The following PLCL2 variants were observed in gnomAD, a reference collection of about 807,000 sequenced individuals.
PLCL2 encodes inactive phospholipase C-like protein 2.
Under a neutral mutation model 79.6 loss-of-function variants are expected in PLCL2, and 4 were observed. The observed-to-expected ratio is 0.05, with a 90% confidence interval of 0.02 to 0.11. The LOEUF (loss-of-function observed/expected upper bound fraction) is 0.11. PLCL2 is among the 10% of genes least tolerant of loss of function. The pLI is 1.00. For missense variants in PLCL2, 895 were observed against 1,291.0 expected (o/e 0.69, Z 4.70); for synonymous variants, 484 against 457.7 (o/e 1.06, Z -0.73).
chr3:17,011,254 G>T lies in PLCL2; in HGVS notation c.1908G>T (p.Ser636=), dbSNP rs143170691. ...TTCAGTTCAAAGAATTTCAGGTGTC[G>T]TTTCAGGTTCAGAAGTACTGGGAAG... ...KSVQFKEFQV[S]FQVQKYWEVC... is the part of the protein sequence containing the mutation. The change falls in exon 2 of 6, where the codon TCG becomes TCT. Residue 636 remains serine, a synonymous_variant. Coordinates refer to ENST00000615277, the MANE Select transcript of PLCL2 (RefSeq NM_001144382.2). The surrounding 1 kb of genome is among the most constrained non-coding windows in gnomAD (Gnocchi z 7.9). 3.0e-5 allele frequency: 48 copies of T among 1,614,070 alleles called. No homozygotes were observed. The Middle Eastern group carries it at 6.6e-4, about 22-fold the overall frequency.
intron 1 of PLCL2, among the ~76,000 whole-genome samples, chr3:16,902,881 T>TGCGCGC (rs1272936432): frequency 2.2e-5 from 3 of 133,900 alleles, no homozygotes; most frequent in African/African-American, 8.3e-5. Flanking sequence ...TGTGTGTGTG[T>TGCGCGC]GNGCGCATGT....
At chr3:17,025,529 A>G (rs996043467) in intron 3 of PLCL2, among the ~76,000 whole-genome samples, 6 of 152,226 alleles carry the variant, frequency 3.9e-5, no homozygotes, top group Admixed American at 3.3e-4. Flanking sequence ...TTTGGATGGA[A>G]TATACTTTAT....
At chr3:17,037,272 A>G (rs1435211163) in intron 3 of PLCL2, among the ~76,000 whole-genome samples, 1 of 152,168 alleles carries the variant, frequency 6.6e-6, no homozygotes, top group Non-Finnish European at 1.5e-5. Flanking sequence ...TTACTGGTCC[A>G]CTGAGGCCTA....
chr3:17,071,937 C>T (rs2065064180), intron 5 of PLCL2, among the ~76,000 whole-genome samples: 1 of 152,036 alleles, frequency 6.6e-6, no homozygotes, highest in Non-Finnish European at 1.5e-5. Context: ...AGTGATTCTC[C>T]TGCCTCAGCC....
At chr3:16,987,757 A>G (rs1172248002) in intron 1 of PLCL2, among the ~76,000 whole-genome samples, 1 of 152,172 alleles carries the variant, frequency 6.6e-6, no homozygotes, top group Non-Finnish European at 1.5e-5. Flanking sequence ...TGATTCACGT[A>G]TTCTCTTCTT....
At chr3:16,949,535 A>T (rs2063631690) in intron 1 of PLCL2, among the ~76,000 whole-genome samples, 1 of 152,144 alleles carries the variant, frequency 6.6e-6, no homozygotes, top group Admixed American at 6.5e-5. Context: ...CTTCTGTCTC[A>T]TAGGAATTGT....
rs74332311 is a variant in PLCL2, at chr3:17,014,786, C to A, written c.2893C>A (p.Pro965Thr). Residue 965 changes from proline (P) to threonine (T), a missense_variant, in exon 3 of 6, where the codon CCC (proline) becomes ACC (threonine). Pro to Thr is a conservative substitution (Grantham distance 38). Around this residue, in one of 6 missense-constraint regions of PLCL2, gnomAD observed 298 missense variants for 459.6 expected, o/e 0.65. Transcript: ENST00000615277. ...NLMQCMLAVS[P>T]RFLGPDNTPL... ...CATGCAGTGCATGTTGGCGGTGTCTCCCCGCTTTCTGGGGCCCGATAACAC... is the reference window on the plus strand; with the variant it reads ...CATGCAGTGCATGTTGGCGGTGTCTACCCGCTTTCTGGGGCCCGATAACAC... 3.7e-6 allele frequency: 6 copies of A among 1,613,998 alleles called. No homozygotes were observed. Among genetic ancestry groups the A allele is most frequent in the Non-Finnish European group, 5.1e-6 (6 of 1,179,996 alleles).
At chr3:17,004,398 C>T (rs2064240053) in intron 1 of PLCL2, among the ~76,000 whole-genome samples, 1 of 152,108 alleles carries the variant, frequency 6.6e-6, no homozygotes, top group African/African-American at 2.4e-5. Flanking sequence ...GAGGACATGA[C>T]AGAAGAGGAG....
chr3:17,028,012 G>A (rs1253423245), intron 3 of PLCL2, among the ~76,000 whole-genome samples: 2 of 152,174 alleles, frequency 1.3e-5, no homozygotes, highest in Non-Finnish European at 2.9e-5. Flanking sequence ...CATATATTTA[G>A]TGTTTATGTA....
intron 3 of PLCL2, among the ~76,000 whole-genome samples, chr3:17,032,766 T>C (rs1056624996): frequency 1.3e-5 from 2 of 152,202 alleles, no homozygotes; most frequent in African/African-American, 2.4e-5. Flanking sequence ...ATGAATGTTA[T>C]GCTGTATCCA....
At chr3:16,967,611 G>GT (rs200763987) in intron 1 of PLCL2, among the ~76,000 whole-genome samples, 20 of 151,276 alleles carry the variant, frequency 1.3e-4, no homozygotes, top group East Asian at 3.9e-4. Context: ...TTTTAATGGG[G>GT]TTTTTTTTGT....
chr3:16,964,380 A>G (rs1342930588), intron 1 of PLCL2, among the ~76,000 whole-genome samples: 3 of 152,136 alleles, frequency 2.0e-5, no homozygotes, highest in Non-Finnish European at 4.4e-5. Flanking sequence ...ATAGTATCCC[A>G]TGGTGTATAT....
intron 1 of PLCL2, among the ~76,000 whole-genome samples, chr3:16,950,385 A>T (rs2063639539): frequency 6.6e-6 from 1 of 152,100 alleles, no homozygotes; most frequent in Non-Finnish European, 1.5e-5. Flanking sequence ...ATTTATTTCT[A>T]AGTTTTTTAA....
At chr3:17,076,910 A>G (rs1042816628) in intron 5 of PLCL2, among the ~76,000 whole-genome samples, 4 of 152,084 alleles carry the variant, frequency 2.6e-5, no homozygotes, top group African/African-American at 9.7e-5. Context: ...CATTAATCCT[A>G]TTCAGTTTTT....
Position 16,962,991 on chromosome 3 carries a change from TA to T in PLCL2, c.328-46682del, listed in dbSNP as rs140206009. 3.3e-3 allele frequency among the ~76,000 whole-genome samples: 504 copies of T among 152,218 alleles called. 5 individuals carry two copies. The highest frequency in any genetic ancestry group is 0.011 in the African/African-American group (469 of 41,574). On this transcript the variant is annotated intron_variant, in intron 1 of 5. Transcript: ENST00000615277. Reference sequence around the variant, plus strand: ...AATTACAATCAAGATTAAATAAAAATAGCTTCTTTTGAATTAATAGTATATT... The same window carrying T: ...AATTACAATCAAGATTAAATAAAAATGCTTCTTTTGAATTAATAGTATATT...
intron 1 of PLCL2, among the ~76,000 whole-genome samples, chr3:16,980,268 G>A (rs1260163553): frequency 6.9e-6 from 1 of 145,674 alleles, no homozygotes; most frequent in Non-Finnish European, 1.5e-5. Context: ...GGCCGGGCGG[G>A]GGGCTGACCC....
intron 5 of PLCL2, among the ~76,000 whole-genome samples, chr3:17,069,190 G>A (rs1001172915): frequency 6.6e-6 from 1 of 152,288 alleles, no homozygotes; most frequent in South Asian, 2.1e-4. Flanking sequence ...GGACATGGGG[G>A]AAATGTGGCC....
Position 17,010,036 on chromosome 3 carries a change from T to C in PLCL2, c.690T>C (p.Asp230=). 1 of 1,613,202 alleles carries C rather than the reference T, an allele frequency of 6.2e-7. No individual in the cohort carries two copies. The highest frequency in any genetic ancestry group is 1.1e-5 in the South Asian group (1 of 91,070). The part of the protein sequence containing the change: ...VIYGENYESL[D]LVANSADVAN... ...ATGGAGAGAATTATGAGTCACTGGA[T>C]TTGGTTGCCAACTCCGCAGATGTTG... Residue 230 remains aspartate (D), a synonymous_variant, in exon 2 of 6, where the codon GAT becomes GAC. Coordinates refer to ENST00000615277, the MANE Select transcript of PLCL2 (RefSeq NM_001144382.2). The surrounding 1 kb of genome is among the most constrained non-coding windows in gnomAD (Gnocchi z 5.8).
intron 4 of PLCL2, among the ~76,000 whole-genome samples, chr3:17,049,109 T>A (rs1016420615): frequency 6.6e-6 from 1 of 152,224 alleles, no homozygotes; most frequent in African/African-American, 2.4e-5. Flanking sequence ...AGTTTTTTTT[T>A]ATCTCACATT....
Sources: gnomAD v4.1 joint callset for allele counts (sites outside exome capture counted in the v4.1 genomes callset) on GRCh38, gnomAD v4.1.1 for gene constraint, gnomAD v4.1.1 regional missense constraint, Gnocchi (gnomAD v3.1) non-coding constraint, MANE v1.5 for transcripts, NCBI Gene and HGNC (gene_info 2026-07-23, HGNC 2026-07-21) for gene names.